TMEM135: variants seen among roughly 807,000 people sequenced by gnomAD.
The protein encoded by TMEM135 is transmembrane protein 135.
In TMEM135, 30 loss-of-function variants were observed where a neutral mutation model predicts 60.3. The ratio of observed to expected loss-of-function variants is 0.50; its 90% confidence interval spans 0.37 to 0.68. TMEM135 has a LOEUF of 0.68. Ranked by LOEUF, TMEM135 falls within the 30% of genes least tolerant of loss-of-function variation. The probability of loss-of-function intolerance (pLI) is 0.00; values close to 1 mark genes in which losing one functional copy is unlikely to be tolerated. For synonymous variants in TMEM135, 190 were observed against 186.7 expected, an observed-to-expected ratio of 1.02 and a Z score of -0.14; for missense variants, 468 against 548.8, an observed-to-expected ratio of 0.85 and a Z score of 1.47.
In TMEM135 at chr11:87,298,817, G is replaced by A. The variant is rs1278929311; in HGVS notation, c.551+2994G>A. Among the ~76,000 whole-genome samples, 3 of 142,784 alleles carry A rather than the reference G, an allele frequency of 2.1e-5. No homozygotes were observed. In the East Asian group the frequency reaches 6.4e-4, roughly 31 times the overall value. The allele number at this position is 142,784 out of a possible 152,430, so 93.7% of individuals were successfully genotyped here. A position where few individuals can be genotyped will look rare whatever the true frequency, so the allele number is the denominator to read the frequency against. On this transcript the variant is annotated intron_variant, in intron 7 of 14. Coordinates refer to ENST00000305494, the MANE Select transcript of TMEM135 (RefSeq NM_022918.4). The stretch of plus-strand genomic sequence containing the variant: ...AAAAAAAAAAAAACAGCCGGGCACA[G>A]TGGCTCACGCCTGTAATCCCAGCAC...
chr11:87,182,695 C>T, intron 5 of TMEM135, among the ~76,000 whole-genome samples: 1 of 151,868 alleles, frequency 6.6e-6, no homozygotes. Flanking sequence ...ATATTTTTTT[C>T]TCTAGAAAAT....
At chr11:87,266,903 C>G (rs1440737712) in intron 6 of TMEM135, among the ~76,000 whole-genome samples, 3 of 152,180 alleles carry the variant, frequency 2.0e-5, no homozygotes, top group South Asian at 2.1e-4. Flanking sequence ...GTGGTTTTCT[C>G]TAGCAGTACA....
At chr11:87,136,819 C>T (rs1197973161) in intron 4 of TMEM135, among the ~76,000 whole-genome samples, 2 of 151,936 alleles carry the variant, frequency 1.3e-5, no homozygotes, top group Admixed American at 1.3e-4. Context: ...CCTCATTATC[C>T]CTTTAATTTC....
chr11:87,140,777 C>T (rs1461966578), intron 4 of TMEM135, among the ~76,000 whole-genome samples: 1 of 152,068 alleles, frequency 6.6e-6, no homozygotes, highest in African/African-American at 2.4e-5. Flanking sequence ...ACATTTAAGT[C>T]TGTGATTTAT....
intron 5 of TMEM135, among the ~76,000 whole-genome samples, chr11:87,161,345 A>G (rs995311754): frequency 2.6e-5 from 4 of 152,210 alleles, no homozygotes; most frequent in African/African-American, 9.6e-5. Context: ...TTCTGACAGA[A>G]AGATGTAGTT....
At position 87,325,819 on chromosome 11, in the gene TMEM135, C is replaced by T. The variant is rs1267796338; in HGVS notation, c.*4486C>T. 3 of 453,718 alleles carry T rather than the reference C, an allele frequency of 6.6e-6. No homozygotes were observed. Among genetic ancestry groups the T allele is most frequent in the African/African-American group, 6.0e-5 (3 of 49,904 alleles). The allele number at this position is 453,718 out of a possible 1,614,324, so 28.1% of individuals were successfully genotyped here. On this transcript the variant is annotated 3_prime_UTR_variant, in exon 15 of 15. Transcript: ENST00000305494. ...CCTTTAAATCCAGAACAATTAATTT[C>T]TTCTCTTCTTAAAACCCCGTAACAT...
At chr11:87,247,848 T>TTGCCCTGCACCCAC (rs1464564680) in intron 6 of TMEM135, among the ~76,000 whole-genome samples, 1 of 151,996 alleles carries the variant, frequency 6.6e-6, no homozygotes, top group East Asian at 1.9e-4. Context: ...CTTGCGTATG[T>TTGCCCTGCACCCAC]TGCCCTGCAC....
chr11:87,322,140 T>G lies in TMEM135; in HGVS notation c.*807T>G, dbSNP rs1329118403. 2.2e-6 allele frequency: 1 copy of G among 454,074 alleles called. No homozygotes were observed. The highest frequency in any genetic ancestry group is 2.4e-5 in the Admixed American group (1 of 42,508). 28.1% of individuals were successfully genotyped at this position (454,074 alleles called of 1,614,324 possible). On this transcript the variant is annotated 3_prime_UTR_variant, in exon 15 of 15. Coordinates refer to ENST00000305494, the MANE Select transcript of TMEM135 (RefSeq NM_022918.4). ...TATTTAAAAACAAAACTTTTAAACT[T>G]CCTATAGGTTTATGATGTTTGTTTT...
intron 1 of TMEM135, among the ~76,000 whole-genome samples, chr11:87,041,173 C>G (rs527279664): frequency 6.6e-6 from 1 of 152,216 alleles, no homozygotes; most frequent in South Asian, 2.1e-4. Context: ...AACCCTTACA[C>G]AACCCCAGCT....
rs370903797 is a variant in TMEM135, at chr11:87,155,079, A to G, written c.397-2262A>G. ...AGTGGTGCGATCTTGGCTCACTGCA[A>G]CCTCCGTCTCCCAAGTTCAAGTTAT... On this transcript the variant is annotated intron_variant, in intron 4 of 14. Coordinates refer to ENST00000305494, the MANE Select transcript of TMEM135 (RefSeq NM_022918.4). 2.6e-4 allele frequency among the ~76,000 whole-genome samples: 34 copies of G among 130,028 alleles called. 1 individual carries two copies. The East Asian group carries it at 9.5e-3, about 36-fold the overall frequency. 85.3% of individuals were successfully genotyped at this position (130,028 alleles called of 152,430 possible).
chr11:87,195,435 C>T (rs1187487629), intron 5 of TMEM135, among the ~76,000 whole-genome samples: 2 of 144,464 alleles, frequency 1.4e-5, no homozygotes, highest in African/African-American at 2.6e-5. Flanking sequence ...TTCTTTCTCT[C>T]TTGTTTTTGA....
rs139866926 is a variant in TMEM135 at position 87,067,726 on chromosome 11, C to T, written c.174C>T (p.Asp58=). The T allele has an allele frequency of 1.2e-6, 2 of 1,613,862 alleles. No homozygotes were observed. Among genetic ancestry groups the T allele is most frequent in the Non-Finnish European group, 1.7e-6 (2 of 1,179,902 alleles). The part of the protein sequence containing the change: ...IAAILRKRKL[D]YYLHKLLPEI... ...CAATTCTCCGGAAACGGAAATTAGA[C>T]TATTATTTACACAAACTACTCCCTG... Residue 58 remains aspartate, a synonymous_variant, in exon 2 of 15, where the codon GAC becomes GAT. Transcript: ENST00000305494.
chr11:87,038,315 G>A, intron 1 of TMEM135, 129 bp downstream of exon 1: 1 of 829,002 alleles, frequency 1.2e-6, no homozygotes, highest in Non-Finnish European at 1.8e-6. Flanking sequence ...GGGTCGGAGT[G>A]TTTTGGGGGG....
At chr11:87,191,110 C>T (rs1939788005) in intron 5 of TMEM135, among the ~76,000 whole-genome samples, 1 of 152,150 alleles carries the variant, frequency 6.6e-6, no homozygotes. Flanking sequence ...TAGTTCCTCA[C>T]CAGCTTGACC....
intron 5 of TMEM135, among the ~76,000 whole-genome samples, chr11:87,188,731 A>G (rs1321331338): frequency 6.6e-6 from 1 of 151,952 alleles, no homozygotes; most frequent in Admixed American, 6.6e-5. Flanking sequence ...TAGAAGCAAT[A>G]TACACTATTA....
intron 4 of TMEM135, among the ~76,000 whole-genome samples, chr11:87,098,846 G>T (rs1038970349): frequency 6.6e-6 from 1 of 151,798 alleles, no homozygotes; most frequent in Non-Finnish European, 1.5e-5. Context: ...CCACCACCAC[G>T]CCCGGCTAAT....
chr11:87,231,527 C>T (rs959179191), intron 5 of TMEM135, among the ~76,000 whole-genome samples: 6 of 152,054 alleles, frequency 3.9e-5, no homozygotes, highest in African/African-American at 7.2e-5. Context: ...CTGTGTCTCA[C>T]GACAAAGCTC....
chr11:87,248,408 A>G (rs1164277739), intron 6 of TMEM135, among the ~76,000 whole-genome samples: 3 of 152,150 alleles, frequency 2.0e-5, no homozygotes, highest in Non-Finnish European at 2.9e-5. Context: ...CTAGGGTGAG[A>G]TGATATCTCA....
chr11:87,084,367 G>T (rs1447962753), intron 3 of TMEM135, among the ~76,000 whole-genome samples: 1 of 151,414 alleles, frequency 6.6e-6, no homozygotes, highest in African/African-American at 2.4e-5. Context: ...GAGTACAGTG[G>T]TACAATCATA....
Sources: gnomAD v4.1 joint callset for allele counts (sites outside exome capture counted in the v4.1 genomes callset) on GRCh38, gnomAD v4.1.1 for gene constraint, MANE v1.5 for transcripts, NCBI Gene and HGNC (gene_info 2026-07-23, HGNC 2026-07-21) for gene names.